SKAP1: variants seen among roughly 807,000 people sequenced by gnomAD.
The protein encoded by SKAP1 is src kinase-associated phosphoprotein 1.
Under a neutral mutation model 58.5 loss-of-function variants are expected in SKAP1, and 44 were observed. The observed-to-expected ratio is 0.75, with a 90% CI of 0.59 to 0.97. The LOEUF (loss-of-function observed/expected upper bound fraction) is 0.97, where lower values mean the gene tolerates loss of function less well. Among genes scored for constraint, SKAP1 ranks in the 50% least tolerant of loss-of-function variants. The probability of loss-of-function intolerance (pLI) is 0.00; values close to 1 mark genes in which losing one functional copy is unlikely to be tolerated. For missense variants in SKAP1, 390 were observed against 435.2 expected (o/e 0.90, Z 0.92); for synonymous variants, 127 against 149.7 (o/e 0.85, Z 1.11).
intron 11 of SKAP1, among the ~76,000 whole-genome samples, chr17:48,146,501 A>C (rs1246375163): frequency 6.6e-6 from 1 of 151,724 alleles, no homozygotes; most frequent in African/African-American, 2.4e-5. Flanking sequence ...TAAAAAAAAA[A>C]AAAACAATGA....
At chr17:48,184,995 TAAG>T (rs1363403541) in intron 6 of SKAP1, 148 bp from the exon 7 acceptor site, 2 of 713,134 alleles carry the variant, frequency 2.8e-6, no homozygotes, top group Non-Finnish European at 4.5e-6. Flanking sequence ...TAGAGAAGCT[TAAG>T]AAGAGGCTAC....
At chr17:48,380,291 A>C (rs1173385023) in intron 2 of SKAP1, 1 of 152,268 alleles carries the variant, frequency 6.6e-6, no homozygotes, top group Non-Finnish European at 1.5e-5. Flanking sequence ...ACAGAGCAGC[A>C]TATGAACATA....
chr17:48,231,903 C>T (rs1186629521), intron 4 of SKAP1: 1 of 152,112 alleles, frequency 6.6e-6, no homozygotes, highest in Non-Finnish European at 1.5e-5. Context: ...CTCAAAATAC[C>T]TATGTAAAAA....
intron 9 of SKAP1, among the ~76,000 whole-genome samples, chr17:48,177,177 G>C (rs1162224198): frequency 6.6e-6 from 1 of 152,084 alleles, no homozygotes; most frequent in Non-Finnish European, 1.5e-5. Context: ...AGGATTTTCA[G>C]TTTCACCTGC....
At chr17:48,310,879 T>C (rs920107568) in intron 4 of SKAP1, among the ~76,000 whole-genome samples, 5 of 152,148 alleles carry the variant, frequency 3.3e-5, no homozygotes, top group Non-Finnish European at 7.4e-5. Context: ...GCTGGGTTCA[T>C]AAACAGGTGA....
At position 48,162,500 on chromosome 17, in the gene SKAP1, T is replaced by C. The variant is rs1276765734; in HGVS notation, c.947A>G (p.Gln316Arg). 6.2e-7 allele frequency: 1 copy of C among 1,613,946 alleles called. No homozygotes were observed. Among genetic ancestry groups the C allele is most frequent in the Non-Finnish European group, 8.5e-7 (1 of 1,179,952 alleles). Residue 316 changes from glutamine to arginine, a missense_variant, in exon 11 of 13, where the codon CAA (glutamine) becomes CGA (arginine). Transcript: ENST00000336915. ...HGDQPDELSF[Q>R]RGDLIRILSK... ...CAGAATACGGATGAGGTCACCCCGT[T>C]GGAAGGACAGTTCATCTGGCTGGTC...
rs1045843016 is a variant in SKAP1, at chr17:48,150,771, C to T, written c.978+11698G>A. ...AAAGTAGAGCGAGCAAGCGTGTACA[C>T]GACAACGGGTATTTATAGGTGGAAA... On this transcript the variant is annotated intron_variant, in intron 11 of 12. Transcript: ENST00000336915. Among the ~76,000 whole-genome samples the T allele has an allele frequency of 2.6e-5, 4 of 152,266 alleles. No homozygotes were observed. The East Asian group carries it at 7.7e-4, about 29-fold the overall frequency.
chr17:48,161,610 G>A (rs1439388121), intron 11 of SKAP1, among the ~76,000 whole-genome samples: 5 of 152,160 alleles, frequency 3.3e-5, no homozygotes, highest in African/African-American at 1.2e-4. Context: ...CTATTTGTAA[G>A]ATGGTTAGCT....
chr17:48,189,325 T>C, intron 5 of SKAP1, 98 bp downstream of exon 5: 1 of 961,012 alleles, frequency 1.0e-6, no homozygotes, highest in South Asian at 1.5e-5. Context: ...CCTAGCACAG[T>C]ACCGGGCACA....
rs144654963 is a variant in SKAP1, at chr17:48,321,668, G to A, written c.280+24237C>T. On this transcript the variant is annotated intron_variant, in intron 4 of 12. Transcript: ENST00000336915. Reference sequence around the variant, plus strand: ...GCTGGGATTACAGGCGTGAGCCACCGCGCTCGGCCTGTTTCATTATTTTTA... The same window carrying A: ...GCTGGGATTACAGGCGTGAGCCACCACGCTCGGCCTGTTTCATTATTTTTA... Among the ~76,000 whole-genome samples the A allele has an allele frequency of 6.4e-4, 97 of 152,044 alleles. 1 individual carries two copies. The East Asian group carries it at 0.015, about 24-fold the overall frequency.
At chr17:48,284,804 AG>A (rs1365577553) in intron 4 of SKAP1, among the ~76,000 whole-genome samples, 2 of 152,342 alleles carry the variant, frequency 1.3e-5, no homozygotes, top group South Asian at 4.1e-4. Context: ...GGGCTGCTAA[AG>A]AATTGGTGGA....
intron 2 of SKAP1, among the ~76,000 whole-genome samples, chr17:48,373,761 C>G (rs2144443229): frequency 6.6e-6 from 1 of 152,184 alleles, no homozygotes; most frequent in South Asian, 2.1e-4. Context: ...CACCCTTGCC[C>G]CACACCCACC....
At chr17:48,370,238 G>A (rs373567844) in intron 2 of SKAP1, among the ~76,000 whole-genome samples, 17 of 152,144 alleles carry the variant, frequency 1.1e-4, no homozygotes, top group Non-Finnish European at 2.4e-4. Context: ...ATATTAAAAT[G>A]CTCAACATTA....
chr17:48,305,572 GC>G (rs1333996111), intron 4 of SKAP1, among the ~76,000 whole-genome samples: 2 of 152,190 alleles, frequency 1.3e-5, no homozygotes, highest in African/African-American at 4.8e-5. Flanking sequence ...TGGGAGTGAT[GC>G]TGGAAAAGAT....
At chr17:48,223,060 T>C in intron 4 of SKAP1, among the ~76,000 whole-genome samples, 1 of 51,270 alleles carries the variant, frequency 2.0e-5, no homozygotes, top group South Asian at 1.2e-3. Context: ...TGAGACTCCG[T>C]CTCAAAAAAA....
chr17:48,240,703 A>T (rs1019976869), intron 4 of SKAP1, among the ~76,000 whole-genome samples: 3 of 152,150 alleles, frequency 2.0e-5, no homozygotes, highest in African/African-American at 7.2e-5. Flanking sequence ...GTTCCAGTGG[A>T]ATTACTGGAG....
chr17:48,237,191 G>C (rs911755200), intron 4 of SKAP1, among the ~76,000 whole-genome samples: 1 of 152,158 alleles, frequency 6.6e-6, no homozygotes, highest in Non-Finnish European at 1.5e-5. Flanking sequence ...AATACAATAA[G>C]AGAATGTCAT....
intron 11 of SKAP1, among the ~76,000 whole-genome samples, chr17:48,158,350 T>C (rs1209241808): frequency 1.3e-5 from 2 of 149,440 alleles, no homozygotes; most frequent in Non-Finnish European, 3.0e-5. Flanking sequence ...ATCCAGACCA[T>C]TCTGGCTAAC....
At chr17:48,421,296 CTTTT>C (rs35201215) in intron 1 of SKAP1, among the ~76,000 whole-genome samples, 3 of 119,238 alleles carry the variant, frequency 2.5e-5, no homozygotes, top group Non-Finnish European at 1.8e-5. Context: ...ATAGAGTGTT[CTTTT>C]TTTTTTTTTT....
Sources: gnomAD v4.1 joint callset for allele counts (sites outside exome capture counted in the v4.1 genomes callset) on GRCh38, gnomAD v4.1.1 for gene constraint, MANE v1.5 for transcripts, NCBI Gene and HGNC (gene_info 2026-07-23, HGNC 2026-07-21) for gene names.